The following DGKB variants were observed in gnomAD, a reference collection of about 807,000 sequenced individuals.
The protein encoded by DGKB is 90 kDa diacylglycerol kinase.
Under a neutral mutation model 114.3 loss-of-function variants are expected in DGKB, and 67 were observed. The observed-to-expected ratio is 0.59, with a 90% confidence interval of 0.48 to 0.72. The LOEUF (loss-of-function observed/expected upper bound fraction) is 0.72, where lower values mean the gene tolerates loss of function less well. DGKB is among the 30% of genes least tolerant of loss of function. The pLI, the probability that DGKB is intolerant of heterozygous loss-of-function variation, is 0.00. For synonymous variants in DGKB, 398 were observed against 323.1 expected (o/e 1.23, Z -2.49); for missense variants, 907 against 975.2 (o/e 0.93, Z 0.93).
At chr7:14,695,896 G>C (rs183385708) in intron 8 of DGKB, among the ~76,000 whole-genome samples, 2 of 152,176 alleles carry the variant, frequency 1.3e-5, no homozygotes, top group East Asian at 3.9e-4. Flanking sequence ...CCTTAGGCAA[G>C]ATGACAAGGC....
intron 2 of DGKB, among the ~76,000 whole-genome samples, chr7:14,794,552 C>T (rs766736446): frequency 6.6e-6 from 1 of 152,114 alleles, no homozygotes; most frequent in Non-Finnish European, 1.5e-5. Flanking sequence ...AGCTCAAGTG[C>T]TGCATAAATG....
At chr7:14,178,263 G>C in intron 23 of DGKB, 112 bp from the exon 24 acceptor site, 1 of 1,168,214 alleles carries the variant, frequency 8.6e-7, no homozygotes, top group Non-Finnish European at 1.2e-6. Context: ...CACAAAGAAA[G>C]CTTGTCTTAG....
rs1785544238 is a variant in DGKB at position 14,497,939 on chromosome 7, A to C, written c.1771-19714T>G. Among the ~76,000 whole-genome samples the C allele has an allele frequency of 2.0e-5, 3 of 151,904 alleles. No homozygotes were observed. In the South Asian group the frequency reaches 6.2e-4, roughly 32 times the overall value. On this transcript the variant is annotated intron_variant, in intron 20 of 25. Transcript: ENST00000402815. ...AAGGACAGCTCATTTTCTAGCACTC[A>C]AAGCATACGTTTTGTTGTACATTTA...
chr7:14,194,127 A>G (rs956524602), intron 23 of DGKB, among the ~76,000 whole-genome samples: 1 of 152,178 alleles, frequency 6.6e-6, no homozygotes. Context: ...ACCATTATGG[A>G]AAACAGTATG....
intron 7 of DGKB, among the ~76,000 whole-genome samples, chr7:14,699,538 G>A (rs1407255780): frequency 3.3e-5 from 5 of 152,046 alleles, no homozygotes; most frequent in African/African-American, 1.2e-4. Flanking sequence ...TTATTTTGTT[G>A]TTTGCCGTAT....
chr7:14,232,334 CTCGAAAT>C (rs1205245800), intron 23 of DGKB, among the ~76,000 whole-genome samples: 1 of 150,098 alleles, frequency 6.7e-6, no homozygotes, highest in Non-Finnish European at 1.5e-5. Context: ...GGCTGCCCTG[CTCGAAAT>C]TCCTTGCCCA....
At chr7:14,628,657 C>A (rs1317474152) in intron 14 of DGKB, among the ~76,000 whole-genome samples, 1 of 151,884 alleles carries the variant, frequency 6.6e-6, no homozygotes, top group South Asian at 2.1e-4. Flanking sequence ...ATACTTTAAC[C>A]ACATTTTCCG....
At chr7:14,168,708 G>C (rs1460084538) in intron 25 of DGKB, among the ~76,000 whole-genome samples, 1 of 152,226 alleles carries the variant, frequency 6.6e-6, no homozygotes, top group Non-Finnish European at 1.5e-5. Flanking sequence ...AATTAAGTCA[G>C]AAGAGCTGGA....
At chr7:14,389,492 G>A (rs955208071) in intron 21 of DGKB, among the ~76,000 whole-genome samples, 2 of 152,206 alleles carry the variant, frequency 1.3e-5, no homozygotes, top group African/African-American at 2.4e-5. Flanking sequence ...GGCTCACAGC[G>A]AGCCATGGTA....
At chr7:14,633,105 T>A (rs1810057324) in intron 13 of DGKB, among the ~76,000 whole-genome samples, 1 of 151,914 alleles carries the variant, frequency 6.6e-6, no homozygotes, top group African/African-American at 2.4e-5. Flanking sequence ...AATTCATGGA[T>A]AACATACTTG....
chr7:14,572,086 T>G (rs1000587679), intron 20 of DGKB, among the ~76,000 whole-genome samples: 1 of 152,116 alleles, frequency 6.6e-6, no homozygotes, highest in African/African-American at 2.4e-5. Flanking sequence ...GCACAGATAT[T>G]TGACTTCACA....
At chr7:14,676,453 T>C (rs188964888) in intron 12 of DGKB, among the ~76,000 whole-genome samples, 189 of 152,262 alleles carry the variant, frequency 1.2e-3, no homozygotes, top group Admixed American at 2.6e-3. Context: ...ACTCAAAGGA[T>C]AAATGCTTGA....
At chr7:14,626,261 T>G (rs546880222) in intron 14 of DGKB, among the ~76,000 whole-genome samples, 2 of 152,114 alleles carry the variant, frequency 1.3e-5, no homozygotes, top group East Asian at 1.9e-4. Flanking sequence ...AAGAACAGGG[T>G]TTTCTTCTTT....
chr7:14,661,342 T>A lies in DGKB; in HGVS notation c.1134+11587A>T, dbSNP rs1817026560. On this transcript the variant is annotated intron_variant, in intron 13 of 25. Transcript: ENST00000402815. ...CTAATATCCAGAATCTACAATGAACTCAAACAAATTTACAAGAAAAAAACA... is the reference window on the plus strand; with the variant it reads ...CTAATATCCAGAATCTACAATGAACACAAACAAATTTACAAGAAAAAAACA... 2.1e-5 allele frequency among the ~76,000 whole-genome samples: 3 copies of A among 144,762 alleles called. No homozygotes were observed. The Admixed American group carries it at 2.1e-4, about 10-fold the overall frequency. 95.0% of individuals were successfully genotyped at this position (144,762 alleles called of 152,430 possible).
intron 1 of DGKB, among the ~76,000 whole-genome samples, chr7:14,956,596 G>T (rs1293894877): frequency 6.6e-6 from 1 of 151,922 alleles, no homozygotes; most frequent in Non-Finnish European, 1.5e-5. Context: ...TATCAAAGAG[G>T]CTACATGAAT....
chr7:14,560,339 T>C (rs1009661697), intron 20 of DGKB, among the ~76,000 whole-genome samples: 7 of 152,184 alleles, frequency 4.6e-5, no homozygotes, highest in Admixed American at 3.3e-4. Flanking sequence ...ACTTTATTTA[T>C]GTCCGTTGAT....
intron 20 of DGKB, among the ~76,000 whole-genome samples, chr7:14,549,016 G>A (rs779500781): frequency 6.6e-6 from 1 of 151,792 alleles, no homozygotes; most frequent in Non-Finnish European, 1.5e-5. Context: ...GCAATGCAGA[G>A]AGGAAAGAGT....
intron 25 of DGKB, among the ~76,000 whole-genome samples, chr7:14,172,562 G>A (rs932369817): frequency 6.6e-6 from 1 of 152,100 alleles, no homozygotes; most frequent in Non-Finnish European, 1.5e-5. Context: ...GAAACACCAG[G>A]TGTTTCAATG....
rs150531713 is a variant in DGKB at position 14,888,732 on chromosome 7, T to C, written c.-188+13860A>G. On this transcript the variant is annotated intron_variant, in intron 1 of 25. Transcript: ENST00000402815. ...TCATCTTTGTGTAAAGAAGGTTTTGTATATCTGAAAATTGTCAGGGTAGAA... is the reference window on the plus strand; with the variant it reads ...TCATCTTTGTGTAAAGAAGGTTTTGCATATCTGAAAATTGTCAGGGTAGAA... Among the ~76,000 whole-genome samples, 9 of 151,856 alleles carry C rather than the reference T, an allele frequency of 5.9e-5. No homozygotes were observed. The East Asian group carries it at 1.7e-3, about 29-fold the overall frequency.
Sources: gnomAD v4.1 joint callset for allele counts (sites outside exome capture counted in the v4.1 genomes callset) on GRCh38, gnomAD v4.1.1 for gene constraint, MANE v1.5 for transcripts, NCBI Gene and HGNC (gene_info 2026-07-23, HGNC 2026-07-21) for gene names.